Variants in RFC3 observed in about 807,000 individuals in gnomAD.
RFC3 encodes the protein replication factor C subunit 3.
In RFC3, 41 loss-of-function variants were observed where a neutral mutation model predicts 45.1. The ratio of observed to expected loss-of-function variants is 0.91; its 90% CI spans 0.71 to 1.18. The LOEUF is 1.18. RFC3 is among the 50% of genes most tolerant of loss of function. The probability of loss-of-function intolerance (pLI) is 0.00; values close to 1 mark genes in which losing one functional copy is unlikely to be tolerated. For synonymous variants in RFC3, 149 were observed against 144.0 expected, an observed-to-expected ratio of 1.03 and a Z score of -0.25; for missense variants, 423 against 428.1, an observed-to-expected ratio of 0.99 and a Z score of 0.10.
At chr13:33,870,863 A>G (rs1265511578) in intron 8 of RFC3, among the ~76,000 whole-genome samples, 2 of 152,226 alleles carry the variant, frequency 1.3e-5, no homozygotes, top group East Asian at 3.8e-4. Context: ...GGAGTTTATT[A>G]TCTGGCTTTA....
At chr13:33,819,768 T>C (rs1425886746) in intron 1 of RFC3, among the ~76,000 whole-genome samples, 2 of 152,258 alleles carry the variant, frequency 1.3e-5, no homozygotes, top group Non-Finnish European at 2.9e-5. Flanking sequence ...GAATTTAATA[T>C]AATGGTCTTA....
At chr13:33,824,524 T>G (rs907563967) in intron 3 of RFC3, among the ~76,000 whole-genome samples, 1 of 152,158 alleles carries the variant, frequency 6.6e-6, no homozygotes, top group Admixed American at 6.5e-5. Context: ...TTAAGTGGTG[T>G]AGAAATGATT....
chr13:33,839,750 C>T (rs1810298063), downstream of RFC3, among the ~76,000 whole-genome samples: 1 of 152,130 alleles, frequency 6.6e-6, no homozygotes, highest in African/African-American at 2.4e-5. Context: ...TATTTTAAAG[C>T]CCGAAAAAGT....
the RFC3 span, among the ~76,000 whole-genome samples, chr13:33,972,514 CA>C: frequency 5.8e-4 from 88 of 152,168 alleles, 1 homozygote; most frequent in South Asian, 0.01. Context: ...TGTATTTTAC[CA>C]AGTATTTTTA....
intron 8 of RFC3, among the ~76,000 whole-genome samples, chr13:33,926,171 A>G (rs2082811356): frequency 7.3e-6 from 1 of 137,792 alleles, no homozygotes; most frequent in Non-Finnish European, 1.5e-5. Context: ...GAACACATGG[A>G]CACAGGAAGG....
chr13:33,836,928 A>C lies in RFC3; in HGVS notation c.*633A>C, dbSNP rs1371770348. 1.0e-6 allele frequency: 1 copy of C among 984,810 alleles called. No individual in the cohort carries two copies. Among genetic ancestry groups the C allele is most frequent in the African/African-American group, 1.8e-5 (1 of 56,996 alleles). 61.0% of individuals were successfully genotyped at this position (984,810 alleles called of 1,614,324 possible). ...CTTGAGACTCTTGAAGAAAATTCAG[A>C]ATGAAGTTCTGGAGAAAGGTATGTT... On this transcript the variant is annotated 3_prime_UTR_variant, in exon 9 of 9. Coordinates refer to ENST00000380071, the MANE Select transcript of RFC3 (RefSeq NM_002915.4).
At chr13:33,844,380 C>T (rs908991167) in intron 8 of RFC3, among the ~76,000 whole-genome samples, 2 of 152,152 alleles carry the variant, frequency 1.3e-5, no homozygotes, top group African/African-American at 4.8e-5. Context: ...GATTACCTTC[C>T]AGTTTCTGCT....
At chr13:33,974,935 A>G in the RFC3 span, among the ~76,000 whole-genome samples, 2 of 152,362 alleles carry the variant, frequency 1.3e-5, no homozygotes, top group South Asian at 2.1e-4. Flanking sequence ...AGGAACTCTC[A>G]TTCATTGCTA....
intron 7 of RFC3, among the ~76,000 whole-genome samples, chr13:33,833,564 G>A (rs1346710534): frequency 6.6e-6 from 1 of 152,088 alleles, no homozygotes. Flanking sequence ...AAACAGTAAT[G>A]TTAGAAGTTA....
At chr13:33,938,181 C>T (rs958127912) in intron 8 of RFC3, among the ~76,000 whole-genome samples, 23 of 34,532 alleles carry the variant, frequency 6.7e-4, no homozygotes, top group African/African-American at 2.6e-3. Flanking sequence ...TAAAGTCCAA[C>T]TGCAAAAAAA....
At chr13:33,969,410 T>G (rs1252851526), downstream of RFC3, among the ~76,000 whole-genome samples, 1 of 152,212 alleles carries the variant, frequency 6.6e-6, no homozygotes, top group Non-Finnish European at 1.5e-5. Flanking sequence ...CCTTGTTCGT[T>G]GCTCCCAAAG....
chr13:33,861,676 ATTT>A (rs1483326869), intron 8 of RFC3, among the ~76,000 whole-genome samples: 1 of 151,706 alleles, frequency 6.6e-6, no homozygotes. Flanking sequence ...AAATGATCAC[ATTT>A]TTGTGTTTGA....
At chr13:33,846,303 C>G (rs184354946) in intron 8 of RFC3, 3 of 152,320 alleles carry the variant, frequency 2.0e-5, no homozygotes, top group African/African-American at 7.2e-5. Flanking sequence ...GGCCCAAGGG[C>G]TCTTTAGTCA....
intron 8 of RFC3, among the ~76,000 whole-genome samples, chr13:33,924,725 GTGTATA>G (rs199936715): frequency 0.16 from 21,378 of 131,644 alleles, 1,973 homozygotes; most frequent in African/African-American, 0.27. Context: ...GTGTGTGTGT[GTGTATA>G]TATATATATA....
intron 8 of RFC3, among the ~76,000 whole-genome samples, chr13:33,876,803 C>CCT (rs2082450133): frequency 6.6e-6 from 1 of 152,160 alleles, no homozygotes; most frequent in Non-Finnish European, 1.5e-5. Context: ...CTTCTATGAA[C>CCT]CTCTATCTTA....
At chr13:33,924,719 GTGTGTGTGTA>G (rs1014172199) in intron 8 of RFC3, among the ~76,000 whole-genome samples, 4 of 128,080 alleles carry the variant, frequency 3.1e-5, no homozygotes, top group African/African-American at 1.5e-4. Flanking sequence ...GTGTGTGTGT[GTGTGTGTGTA>G]TATATATATA....
intron 8 of RFC3, among the ~76,000 whole-genome samples, chr13:33,930,881 A>T (rs1462167839): frequency 6.6e-6 from 1 of 152,058 alleles, no homozygotes; most frequent in African/African-American, 2.4e-5. Context: ...CTCTTCCTTT[A>T]GTTCTTTTGG....
At chr13:33,841,830 T>C (rs2082200989), downstream of RFC3, among the ~76,000 whole-genome samples, 1 of 152,328 alleles carries the variant, frequency 6.6e-6, no homozygotes, top group Middle Eastern at 3.4e-3. Flanking sequence ...ATGATATTTC[T>C]AGGGTCTCTA....
chr13:33,881,460 T>C (rs2082483534), intron 8 of RFC3, among the ~76,000 whole-genome samples: 1 of 152,176 alleles, frequency 6.6e-6, no homozygotes, highest in Admixed American at 6.5e-5. Flanking sequence ...AGCTTCATCT[T>C]CCTGTCCATC....
Sources: gnomAD v4.1 joint callset for allele counts (sites outside exome capture counted in the v4.1 genomes callset) on GRCh38, gnomAD v4.1.1 for gene constraint, MANE v1.5 for transcripts, NCBI Gene and HGNC (gene_info 2026-07-23, HGNC 2026-07-21) for gene names.